Variants in NBEA observed in about 807,000 individuals in gnomAD.
NBEA encodes the protein lysosomal-trafficking regulator 2.
A neutral mutation model predicts 343.4 loss-of-function variants in NBEA; 44 were observed. The observed-to-expected ratio is 0.13, with a 90% CI of 0.10 to 0.16. The LOEUF is 0.16. Among genes scored for constraint, NBEA ranks in the 10% least tolerant of loss-of-function variants. The pLI, the probability that NBEA is intolerant of heterozygous loss-of-function variation, is 1.00. For missense variants in NBEA, 2,555 were observed against 3,631.3 expected (o/e 0.70, Z 7.62); for synonymous variants, 1,175 against 1,238.7 (o/e 0.95, Z 1.08).
chr13:35,391,218 T>G (rs9573823), intron 38 of NBEA, among the ~76,000 whole-genome samples: 112,123 of 150,798 alleles, frequency 0.74, 43,864 homozygotes, highest in Non-Finnish European at 0.86. Flanking sequence ...GAGGTTGCAG[T>G]GAGTTGAGAC....
intron 55 of NBEA, among the ~76,000 whole-genome samples, chr13:35,664,729 A>C (rs1208169659): frequency 6.6e-6 from 1 of 152,244 alleles, no homozygotes; most frequent in East Asian, 1.9e-4. Context: ...TTCCTACCTC[A>C]TAGAGCATGA....
rs1461454617 is a variant in NBEA at position 35,314,251 on chromosome 13, G to A, written c.5903+4659G>A. ...GTAAAGAATACTGAAAATAGCGATT[G>A]TAAAAGAATGGAGAAGAGAAAAAAC... On this transcript the variant is annotated intron_variant, in intron 36 of 58. Coordinates refer to ENST00000379939, the MANE Select transcript of NBEA (RefSeq NM_001385012.1). 3.3e-5 allele frequency among the ~76,000 whole-genome samples: 5 copies of A among 152,258 alleles called. No individual in the cohort carries two copies. The East Asian group carries it at 9.7e-4, about 29-fold the overall frequency.
At chr13:35,475,805 G>A (rs2075837609) in intron 41 of NBEA, 1 of 1,613,886 alleles carries the variant, frequency 6.2e-7, no homozygotes, top group African/African-American at 1.3e-5. Context: ...TCCACCCAGA[G>A]GGACATGCTC....
chr13:35,130,334 G>A (rs2067348637), intron 17 of NBEA, among the ~76,000 whole-genome samples: 1 of 151,990 alleles, frequency 6.6e-6, no homozygotes, highest in South Asian at 2.1e-4. Flanking sequence ...TAAAGGATGA[G>A]TTGGGTGTAA....
intron 47 of NBEA, among the ~76,000 whole-genome samples, chr13:35,595,948 A>G (rs2081777278): frequency 1.3e-5 from 2 of 151,864 alleles, no homozygotes; most frequent in South Asian, 2.1e-4. Flanking sequence ...ACTGACTCCT[A>G]TCTATTGCTC....
intron 38 of NBEA, among the ~76,000 whole-genome samples, chr13:35,401,013 T>A (rs557299544): frequency 2.6e-5 from 4 of 152,134 alleles, no homozygotes; most frequent in African/African-American, 9.6e-5. Context: ...CCCAGCAGAA[T>A]TCATAATTCC....
At chr13:35,188,410 G>A (rs2071891529) in intron 30 of NBEA, among the ~76,000 whole-genome samples, 1 of 152,042 alleles carries the variant, frequency 6.6e-6, no homozygotes, top group African/African-American at 2.4e-5. Flanking sequence ...CATCTTCCCA[G>A]TCCCTAGTAA....
chr13:35,180,415 C>T (rs1425708301), intron 28 of NBEA, among the ~76,000 whole-genome samples: 1 of 151,684 alleles, frequency 6.6e-6, no homozygotes, highest in Non-Finnish European at 1.5e-5. Context: ...GAATAGAGCT[C>T]TCAAGGTTAC....
chr13:35,313,852 G>A (rs1186991949), intron 36 of NBEA, among the ~76,000 whole-genome samples: 1 of 152,162 alleles, frequency 6.6e-6, no homozygotes, highest in South Asian at 2.1e-4. Context: ...AATACAGACA[G>A]CAAGTACTTC....
chr13:35,475,130 T>C, intron 41 of NBEA: 1 of 1,614,116 alleles, frequency 6.2e-7, no homozygotes, highest in Non-Finnish European at 8.5e-7. Context: ...TTGGCAGCGT[T>C]TTCCAGAGCT....
At chr13:35,619,096 AAAAATTTGCATTTG>A in intron 48 of NBEA, among the ~76,000 whole-genome samples, 1 of 151,474 alleles carries the variant, frequency 6.6e-6, no homozygotes, top group Non-Finnish European at 1.5e-5. Context: ...ATGCAAATGT[AAAAATTTGCATTTG>A]GGGTATAATC....
At chr13:35,138,755 C>T (rs1445804712) in intron 17 of NBEA, among the ~76,000 whole-genome samples, 3 of 151,828 alleles carry the variant, frequency 2.0e-5, no homozygotes, top group Admixed American at 6.6e-5. Flanking sequence ...CCACTGCGCT[C>T]GGCCAATTAT....
At chr13:35,586,204 C>T (rs1840974082) in intron 46 of NBEA, among the ~76,000 whole-genome samples, 1 of 152,150 alleles carries the variant, frequency 6.6e-6, no homozygotes, top group Admixed American at 6.5e-5. Context: ...ACCTAAATGA[C>T]AGCTCTAGTT....
At chr13:35,589,521 G>C (rs1297584536) in intron 46 of NBEA, among the ~76,000 whole-genome samples, 1 of 152,040 alleles carries the variant, frequency 6.6e-6, no homozygotes, top group African/African-American at 2.4e-5. Context: ...CCATAAACGA[G>C]ATTTGTTTTG....
intron 44 of NBEA, among the ~76,000 whole-genome samples, chr13:35,565,736 G>A (rs1332406811): frequency 6.6e-6 from 1 of 152,032 alleles, no homozygotes; most frequent in East Asian, 1.9e-4. Flanking sequence ...ATGAGGGGGG[G>A]CCGCAGCTTG....
intron 46 of NBEA, chr13:35,592,982 G>A (rs974027585): frequency 4.1e-5 from 8 of 196,052 alleles, no homozygotes; most frequent in Middle Eastern, 4.1e-3. Flanking sequence ...TTATTGCAAT[G>A]TTAGTGTATA....
chr13:35,285,802 G>T (rs1346537007), intron 34 of NBEA, among the ~76,000 whole-genome samples: 1 of 152,084 alleles, frequency 6.6e-6, no homozygotes, highest in Non-Finnish European at 1.5e-5. Context: ...ATCCTGTAGT[G>T]GCTCCCTGGT....
At chr13:35,183,727 A>C (rs1340014399) in intron 29 of NBEA, among the ~76,000 whole-genome samples, 1 of 152,052 alleles carries the variant, frequency 6.6e-6, no homozygotes. Context: ...GTAATAGTAT[A>C]GTGAACCTTC....
chr13:35,241,053 C>T (rs1283486709), intron 34 of NBEA, among the ~76,000 whole-genome samples: 1 of 151,674 alleles, frequency 6.6e-6, no homozygotes, highest in Non-Finnish European at 1.5e-5. Context: ...AAAGTTATTT[C>T]AGTCCATGTT....
Sources: allele counts gnomAD v4.1 joint callset (sites outside exome capture counted in the v4.1 genomes callset), GRCh38; gene constraint gnomAD v4.1.1; transcripts MANE v1.5; gene names NCBI Gene and HGNC (gene_info 2026-07-23, HGNC 2026-07-21).